Variants in SGCZ observed in about 807,000 individuals in gnomAD.
SGCZ encodes the protein sarcoglycan zeta.
Under a neutral mutation model 41.3 loss-of-function variants are expected in SGCZ, and 40 were observed. The observed-to-expected ratio is 0.97, with a 90% CI of 0.75 to 1.26. SGCZ has a LOEUF of 1.26. Ranked by LOEUF, SGCZ falls within the 50% of genes most tolerant of loss-of-function variation. The pLI, the probability that SGCZ is intolerant of heterozygous loss-of-function variation, is 0.00. For missense variants in SGCZ, 552 were observed against 369.8 expected (o/e 1.49, Z -4.04); for synonymous variants, 206 against 137.5 (o/e 1.50, Z -3.49).
chr8:14,427,064 A>G (rs748805599), intron 2 of SGCZ, among the ~76,000 whole-genome samples: 7 of 92,886 alleles, frequency 7.5e-5, no homozygotes, highest in East Asian at 2.3e-4. Context: ...GAATGAATGA[A>G]TGAGTGAATG....
At chr8:14,304,464 C>T (rs1272106807) in intron 3 of SGCZ, among the ~76,000 whole-genome samples, 3 of 152,110 alleles carry the variant, frequency 2.0e-5, no homozygotes, top group Non-Finnish European at 4.4e-5. Context: ...CATGGTGGCA[C>T]ATGCCTGTGG....
chr8:14,590,767 A>T (rs1044228799), intron 1 of SGCZ, among the ~76,000 whole-genome samples: 1 of 148,080 alleles, frequency 6.8e-6, no homozygotes, highest in African/African-American at 2.4e-5. Flanking sequence ...AGTATATACT[A>T]TATATAATAT....
intron 1 of SGCZ, among the ~76,000 whole-genome samples, chr8:14,860,708 G>GAGAAAGAAAGAAAGAGAGAAAGAA (rs1803711144): frequency 7.5e-6 from 1 of 132,660 alleles, no homozygotes; most frequent in African/African-American, 3.1e-5. Context: ...AAGAAAGAAA[G>GAGAAAGAAAGAAAGAGAGAAAGAA]AGAAAGAAAG....
intron 1 of SGCZ, among the ~76,000 whole-genome samples, chr8:14,579,566 G>A (rs376281643): frequency 2.6e-5 from 4 of 152,196 alleles, no homozygotes; most frequent in African/African-American, 9.6e-5. Context: ...ATACAAATAT[G>A]GCAGGATGAG....
intron 3 of SGCZ, among the ~76,000 whole-genome samples, chr8:14,273,737 C>A (rs772500000): frequency 5.3e-5 from 8 of 152,064 alleles, no homozygotes; most frequent in Non-Finnish European, 1.2e-4. Flanking sequence ...AAAAGAAACA[C>A]AGGCAATATC....
intron 1 of SGCZ, among the ~76,000 whole-genome samples, chr8:15,215,473 G>C (rs184130278): frequency 6.6e-6 from 1 of 152,148 alleles, no homozygotes; most frequent in East Asian, 1.9e-4. Flanking sequence ...TTTCTGTCTG[G>C]AACATACACA....
At chr8:14,944,095 A>G (rs1800365211) in intron 1 of SGCZ, among the ~76,000 whole-genome samples, 1 of 152,080 alleles carries the variant, frequency 6.6e-6, no homozygotes, top group Admixed American at 6.6e-5. Context: ...TTAAACTAAT[A>G]ATTCAACGTC....
chr8:14,340,594 C>G (rs1213973425), intron 2 of SGCZ, among the ~76,000 whole-genome samples: 3 of 151,962 alleles, frequency 2.0e-5, no homozygotes, highest in Non-Finnish European at 4.4e-5. Flanking sequence ...CTTGTAAGTA[C>G]TTGACAAACG....
intron 2 of SGCZ, among the ~76,000 whole-genome samples, chr8:14,398,106 G>C (rs1332929978): frequency 6.6e-6 from 1 of 152,086 alleles, no homozygotes; most frequent in Non-Finnish European, 1.5e-5. Context: ...TTGACATCAA[G>C]TAGTCTAGAT....
chr8:14,413,680 C>G (rs1242100362), intron 2 of SGCZ, among the ~76,000 whole-genome samples: 2 of 151,962 alleles, frequency 1.3e-5, no homozygotes, highest in Non-Finnish European at 2.9e-5. Flanking sequence ...CATTTTACCT[C>G]TTTGCCTATT....
At chr8:14,266,643 G>A (rs1392992894) in intron 3 of SGCZ, among the ~76,000 whole-genome samples, 3 of 152,092 alleles carry the variant, frequency 2.0e-5, no homozygotes, top group African/African-American at 7.2e-5. Flanking sequence ...GAAGAGTGAA[G>A]AAATCGTTAG....
At chr8:14,157,841 C>T (rs2039158298) in intron 5 of SGCZ, among the ~76,000 whole-genome samples, 1 of 152,162 alleles carries the variant, frequency 6.6e-6, no homozygotes, top group Admixed American at 6.5e-5. Flanking sequence ...ACACTGAAGA[C>T]ATAGACATAT....
intron 1 of SGCZ, among the ~76,000 whole-genome samples, chr8:14,672,073 TAG>T (rs562811462): frequency 1.4e-4 from 22 of 152,260 alleles, no homozygotes; most frequent in African/African-American, 2.4e-4. Flanking sequence ...TCATTTCATT[TAG>T]GAAATAGAGG....
intron 2 of SGCZ, among the ~76,000 whole-genome samples, chr8:14,525,548 T>C (rs1449425946): frequency 1.3e-5 from 2 of 152,170 alleles, no homozygotes; most frequent in South Asian, 2.1e-4. Flanking sequence ...AGAAAGATTA[T>C]ATATTTCTCA....
At chr8:14,609,561 A>C (rs752896529) in intron 1 of SGCZ, among the ~76,000 whole-genome samples, 1 of 152,190 alleles carries the variant, frequency 6.6e-6, no homozygotes, top group Non-Finnish European at 1.5e-5. Flanking sequence ...TATCAACACT[A>C]TATGAGGTTC....
intron 1 of SGCZ, among the ~76,000 whole-genome samples, chr8:14,918,735 T>C (rs996790824): frequency 6.6e-6 from 1 of 152,192 alleles, no homozygotes; most frequent in African/African-American, 2.4e-5. Flanking sequence ...TCTGAAGAGG[T>C]CATGCAATGA....
chr8:14,785,620 G>A (rs1292593643), intron 1 of SGCZ, among the ~76,000 whole-genome samples: 1 of 152,086 alleles, frequency 6.6e-6, no homozygotes, highest in Non-Finnish European at 1.5e-5. Context: ...CCAAAAGCTT[G>A]ACAATGTTCT....
intron 1 of SGCZ, among the ~76,000 whole-genome samples, chr8:15,025,925 A>C (rs1803441354): frequency 6.6e-6 from 1 of 152,210 alleles, no homozygotes; most frequent in Admixed American, 6.5e-5. Context: ...TGTAGCATAT[A>C]TAAACTTTAC....
intron 2 of SGCZ, among the ~76,000 whole-genome samples, chr8:14,347,616 A>G (rs1429732569): frequency 2.8e-5 from 4 of 142,932 alleles, no homozygotes; most frequent in Non-Finnish European, 5.9e-5. Context: ...AATAAAAATT[A>G]TAATTATAAA....
Sources: allele counts gnomAD v4.1 joint callset (sites outside exome capture counted in the v4.1 genomes callset), GRCh38; gene constraint gnomAD v4.1.1; transcripts MANE v1.5; gene names NCBI Gene and HGNC (gene_info 2026-07-23, HGNC 2026-07-21).